The following CAND1 variants were observed in gnomAD, a reference collection of about 807,000 sequenced individuals.
The protein encoded by CAND1 is cullin-associated NEDD8-dissociated protein 1.
Under a neutral mutation model 108.5 loss-of-function variants are expected in CAND1, and 7 were observed. The ratio of observed to expected loss-of-function variants is 0.06; its 90% confidence interval spans 0.04 to 0.12. The LOEUF (loss-of-function observed/expected upper bound fraction) is 0.12. Ranked by LOEUF, CAND1 falls within the 10% of genes least tolerant of loss-of-function variation. The probability of loss-of-function intolerance (pLI) is 1.00; values close to 1 mark genes in which losing one functional copy is unlikely to be tolerated. For synonymous variants in CAND1, 534 were observed against 512.0 expected, an observed-to-expected ratio of 1.04 and a Z score of -0.58; for missense variants, 941 against 1,448.7, an observed-to-expected ratio of 0.65 and a Z score of 5.69.
Position 67,310,013 on chromosome 12 carries a change from T to C in CAND1, c.3138T>C (p.Asp1046=). 1.9e-6 allele frequency: 3 copies of C among 1,612,448 alleles called. No individual in the cohort carries two copies. The highest frequency in any genetic ancestry group is 2.5e-6 in the Non-Finnish European group (3 of 1,178,704). Residue 1046 remains aspartate (D), a synonymous_variant, in exon 12 of 15, where the codon GAT becomes GAC. Transcript: ENST00000545606. Reference sequence around the variant, plus strand: ...CATCATTAATAAGGGATCTATTGGATACTGTTCTTCCACATCTTTACAATG... The same window carrying C: ...CATCATTAATAAGGGATCTATTGGACACTGTTCTTCCACATCTTTACAATG... The part of the protein sequence containing the change: ...NKPSLIRDLL[D]TVLPHLYNET...
At chr12:67,291,379 G>T (rs1471656993) in intron 2 of CAND1, among the ~76,000 whole-genome samples, 1 of 152,128 alleles carries the variant, frequency 6.6e-6, no homozygotes, top group African/African-American at 2.4e-5. Context: ...AAATTCAAGG[G>T]CAGTGGAAAT....
intron 1 of CAND1, among the ~76,000 whole-genome samples, chr12:67,277,875 T>C (rs1016720435): frequency 2.0e-5 from 3 of 152,136 alleles, no homozygotes; most frequent in African/African-American, 7.2e-5. Context: ...ACTTAGTCAT[T>C]CTCCTAACTA....
At chr12:67,290,532 A>C (rs2044713128) in intron 2 of CAND1, among the ~76,000 whole-genome samples, 1 of 152,060 alleles carries the variant, frequency 6.6e-6, no homozygotes. Context: ...CTTAATACCT[A>C]AAAATCTGAC....
chr12:67,298,077 A>G (rs1034056855), intron 6 of CAND1, among the ~76,000 whole-genome samples: 37 of 152,134 alleles, frequency 2.4e-4, no homozygotes, highest in Non-Finnish European at 4.6e-4. Context: ...AGAATTTTGG[A>G]AAGGTATTTA....
rs139691802 is a variant in CAND1 at position 67,282,602 on chromosome 12, G to C, written c.212+549G>C. On this transcript the variant is annotated intron_variant, in intron 2 of 14. Transcript: ENST00000545606. The stretch of plus-strand genomic sequence containing the variant: ...AGACAAGGTCTCACTCTGTGGCCCA[G>C]GCTGGTCTCTAACTCCTGGGCTCAA... 8.3e-3 allele frequency among the ~76,000 whole-genome samples: 1,257 copies of C among 152,134 alleles called. 26 individuals are homozygous for C. Among genetic ancestry groups the C allele is most frequent in the African/African-American group, 0.029 (1,190 of 41,522 alleles).
At chr12:67,311,378 A>C (rs949387976) in intron 13 of CAND1, 59 of 152,110 alleles carry the variant, frequency 3.9e-4, no homozygotes, top group African/African-American at 1.4e-3. Context: ...GAGCTTTAAA[A>C]AATAAAAATA....
chr12:67,292,849 C>A, intron 3 of CAND1, 73 bp downstream of exon 3: 1 of 1,476,370 alleles, frequency 6.8e-7, no homozygotes, highest in Non-Finnish European at 9.4e-7. Context: ...TTTTCCCCTT[C>A]TGGCCAAGGA....
chr12:67,279,045 G>A (rs7134160), intron 1 of CAND1, among the ~76,000 whole-genome samples: 1 of 151,978 alleles, frequency 6.6e-6, no homozygotes, highest in Non-Finnish European at 1.5e-5. Context: ...CAGTGTATGA[G>A]TATATAACGC....
Position 67,318,904 on chromosome 12 carries a change from G to T in CAND1, c.*6074G>T, listed in dbSNP as rs891573518. On this transcript the variant is annotated 3_prime_UTR_variant, in exon 15 of 15. Transcript: ENST00000545606. The stretch of plus-strand genomic sequence containing the variant: ...GACAGAAACAATTCATAAAGGAGAT[G>T]AAATGTCTTGAGGAATGAGCTCTTA... 1.1e-4 allele frequency: 16 copies of T among 152,210 alleles called. No individual in the cohort carries two copies. The highest frequency in any genetic ancestry group is 8.5e-4 in the Admixed American group (13 of 15,284). 9.4% of individuals were successfully genotyped at this position (152,210 alleles called of 1,614,324 possible).
At chr12:67,297,716 A>G (rs759556343) in intron 5 of CAND1, 32 bp from the exon 6 acceptor site, 2 of 1,581,340 alleles carry the variant, frequency 1.3e-6, no homozygotes, top group Non-Finnish European at 1.7e-6. Context: ...AAATTAATGC[A>G]TGTTTTTAAA....
Position 67,269,631 on chromosome 12 carries a change from G to T in CAND1, c.-87G>T. 1 of 1,178,612 alleles carries T rather than the reference G, an allele frequency of 8.5e-7. No homozygotes were observed. The highest frequency in any genetic ancestry group is 1.9e-5 in the Admixed American group (1 of 51,392). The allele number at this position is 1,178,612 out of a possible 1,614,324, so 73.0% of individuals were successfully genotyped here. ...AAGCGGGAGCCGCCGCGAGCGAGAG[G>T]AGGAGCTCCAGTGGCGGCGGCGGCG... On this transcript the variant is annotated 5_prime_UTR_variant, in exon 1 of 15. Transcript: ENST00000545606.
intron 4 of CAND1, among the ~76,000 whole-genome samples, chr12:67,296,257 T>C (rs1253897716): frequency 6.6e-6 from 1 of 152,006 alleles, no homozygotes; most frequent in Non-Finnish European, 1.5e-5. Context: ...CATTGAACTA[T>C]ACATTTGAGA....
rs990193174 is a variant in CAND1, at chr12:67,298,947, T to C, written c.855-3T>C. ...TCAAGGCAGCTTTTGTTTTTGTCTTTAGATGTCCTAAGGAAGTATATCCTC... is the reference window on the plus strand; with the variant it reads ...TCAAGGCAGCTTTTGTTTTTGTCTTCAGATGTCCTAAGGAAGTATATCCTC... On this transcript the variant is annotated splice_polypyrimidine_tract_variant and splice_region_variant and intron_variant, in intron 6 of 14. Coordinates refer to ENST00000545606, the MANE Select transcript of CAND1 (RefSeq NM_018448.5). The C allele has an allele frequency of 1.3e-6, 2 of 1,515,948 alleles. No individual in the cohort carries two copies. The highest frequency in any genetic ancestry group is 1.1e-5 in the South Asian group (1 of 87,128). 93.9% of individuals were successfully genotyped at this position (1,515,948 alleles called of 1,614,324 possible).
intron 1 of CAND1, among the ~76,000 whole-genome samples, chr12:67,272,903 G>A (rs1238141448): frequency 6.6e-6 from 1 of 152,138 alleles, no homozygotes. Flanking sequence ...CACCATGTTC[G>A]CCAGCATGGT....
At chr12:67,312,167 AT>A (rs11331453) in intron 14 of CAND1, among the ~76,000 whole-genome samples, 95,601 of 149,100 alleles carry the variant, frequency 0.64, 30,711 homozygotes, top group Non-Finnish European at 0.68. Context: ...AAAAATCAAG[AT>A]TTTTTTTTTT....
rs777666465 is a variant in CAND1 at position 67,299,129 on chromosome 12, TG to T, written c.1000+35del. On this transcript the variant is annotated intron_variant, in intron 7 of 14. Transcript: ENST00000545606. ...AATTAAATAGAATCTTTTGAGTTTT[TG>T]TGAAAGACACTTATAGATGGAGATG... 2.1e-5 allele frequency: 31 copies of T among 1,489,400 alleles called. 1 individual carries two copies. The highest frequency in any genetic ancestry group is 2.8e-5 in the Non-Finnish European group (31 of 1,116,630). The allele number at this position is 1,489,400 out of a possible 1,614,324, so 92.3% of individuals were successfully genotyped here. A position where few individuals can be genotyped will look rare whatever the true frequency, so the allele number is the denominator to read the frequency against.
rs2044912303 is a variant in CAND1 at position 67,308,469 on chromosome 12, C to T, written c.3025+977C>T. Among the ~76,000 whole-genome samples, 5 of 152,074 alleles carry T rather than the reference C, an allele frequency of 3.3e-5. No individual in the cohort carries two copies. In the South Asian group the frequency reaches 1.0e-3, roughly 31 times the overall value. ...GCAAAATAGGACAGAGGAAGAGGCC[C>T]ATGCCATATCTCTAGAAATATCTTT... On this transcript the variant is annotated intron_variant, in intron 11 of 14. Transcript: ENST00000545606.
intron 11 of CAND1, among the ~76,000 whole-genome samples, chr12:67,308,706 T>C (rs2044915459): frequency 6.6e-6 from 1 of 152,054 alleles, no homozygotes; most frequent in East Asian, 1.9e-4. Context: ...AAAGCGGATA[T>C]ATACTCTATT....
intron 2 of CAND1, among the ~76,000 whole-genome samples, chr12:67,282,687 C>T (rs977466058): frequency 1.3e-5 from 2 of 152,088 alleles, no homozygotes; most frequent in African/African-American, 4.8e-5. Flanking sequence ...CCACCATGCC[C>T]AGCCAAAAAA....
Sources: gnomAD v4.1 joint callset for allele counts (sites outside exome capture counted in the v4.1 genomes callset) on GRCh38, gnomAD v4.1.1 for gene constraint, MANE v1.5 for transcripts, NCBI Gene and HGNC (gene_info 2026-07-23, HGNC 2026-07-21) for gene names.